GRIA4: variants seen among roughly 807,000 people sequenced by gnomAD.
GRIA4 encodes glutamate receptor 4.
In GRIA4, 34 loss-of-function variants were observed where a neutral mutation model predicts 104.0. The observed-to-expected ratio is 0.33, with a 90% CI of 0.25 to 0.44. GRIA4 has a LOEUF of 0.44. Ranked by LOEUF, GRIA4 falls within the 20% of genes least tolerant of loss-of-function variation. The pLI is 1.00. For synonymous variants in GRIA4, 386 were observed against 381.9 expected (o/e 1.01, Z -0.13); for missense variants, 750 against 1,096.5 (o/e 0.68, Z 4.46).
At position 105,611,087 on chromosome 11, in the gene GRIA4, T is replaced by A. The variant is rs945843314; in HGVS notation, c.88+2T>A. ...CCTTTCCGAGCAGCGTGCAAATAGG[T>A]AAGGTGTGCTCCGATGGGGTGTGCA... On this transcript the variant is annotated splice_donor_variant, in intron 2 of 16. Coordinates refer to ENST00000282499, the MANE Select transcript of GRIA4 (RefSeq NM_000829.4). LOFTEE classifies it high-confidence loss of function. The A allele has an allele frequency of 6.2e-7, 1 of 1,607,190 alleles. No homozygotes were observed. Among genetic ancestry groups the A allele is most frequent in the East Asian group, 2.2e-5 (1 of 44,826 alleles).
intron 5 of GRIA4, among the ~76,000 whole-genome samples, chr11:105,869,080 T>A (rs1207175593): frequency 6.6e-6 from 1 of 152,118 alleles, no homozygotes; most frequent in African/African-American, 2.4e-5. Flanking sequence ...AAGGGGTGTC[T>A]AATTGTCTCC....
At position 105,883,807 on chromosome 11, in the gene GRIA4, G is replaced by C. The variant is rs1193979317; in HGVS notation, c.673-3712G>C. 2.0e-5 allele frequency among the ~76,000 whole-genome samples: 3 copies of C among 152,118 alleles called. No homozygotes were observed. The East Asian group carries it at 5.8e-4, about 29-fold the overall frequency. ...GTATATACCCCGTAATGGGATGGCT[G>C]GGTCGAATGGTATTTCTAGTTCTAG... is the stretch of plus-strand genomic sequence containing the variant. On this transcript the variant is annotated intron_variant, in intron 5 of 16. Transcript: ENST00000282499.
At chr11:105,775,842 T>C (rs1303795310) in intron 4 of GRIA4, among the ~76,000 whole-genome samples, 1 of 152,004 alleles carries the variant, frequency 6.6e-6, no homozygotes, top group Non-Finnish European at 1.5e-5. Context: ...TCAAATATCA[T>C]CAATGGTGAC....
At chr11:105,948,709 G>A (rs372976902) in intron 14 of GRIA4, among the ~76,000 whole-genome samples, 16 of 148,830 alleles carry the variant, frequency 1.1e-4, no homozygotes, top group African/African-American at 3.7e-4. Context: ...GGGTGCAAGC[G>A]ACTCTCCTGC....
chr11:105,731,952 C>T (rs1312514640), intron 3 of GRIA4, among the ~76,000 whole-genome samples: 1 of 152,050 alleles, frequency 6.6e-6, no homozygotes, highest in African/African-American at 2.4e-5. Flanking sequence ...GTGCAGCAAA[C>T]CACCATGGCG....
chr11:105,812,985 T>A (rs1943236545), intron 4 of GRIA4, among the ~76,000 whole-genome samples: 1 of 149,344 alleles, frequency 6.7e-6, no homozygotes. Flanking sequence ...CCTGTAGTCC[T>A]CGGGAGGCTG....
At chr11:105,685,876 T>C (rs548537643) in intron 3 of GRIA4, among the ~76,000 whole-genome samples, 1 of 152,146 alleles carries the variant, frequency 6.6e-6, no homozygotes, top group South Asian at 2.1e-4. Context: ...TGAATACGTT[T>C]GAAATCTAGT....
chr11:105,936,191 T>C (rs1369222768), intron 14 of GRIA4, among the ~76,000 whole-genome samples: 4 of 152,142 alleles, frequency 2.6e-5, no homozygotes, highest in African/African-American at 9.7e-5. Context: ...CTTATCCAAC[T>C]AGGATTCTTC....
chr11:105,826,165 A>C (rs77214832), intron 4 of GRIA4, among the ~76,000 whole-genome samples: 4,589 of 152,088 alleles, frequency 0.03, 147 homozygotes, highest in African/African-American at 0.079. Context: ...AAAGCAGCTG[A>C]AATTGGGGTA....
At chr11:105,772,533 T>C (rs918324646) in intron 4 of GRIA4, among the ~76,000 whole-genome samples, 1 of 152,134 alleles carries the variant, frequency 6.6e-6, no homozygotes, top group Non-Finnish European at 1.5e-5. Flanking sequence ...ATATAACATA[T>C]AAAATATGTG....
At chr11:105,839,480 C>T (rs539182124) in intron 4 of GRIA4, among the ~76,000 whole-genome samples, 7 of 141,956 alleles carry the variant, frequency 4.9e-5, no homozygotes, top group South Asian at 2.2e-4. Context: ...ATCATGTAAT[C>T]GCTATCTCAT....
chr11:105,853,600 G>A (rs551354415), intron 4 of GRIA4, among the ~76,000 whole-genome samples: 58 of 152,284 alleles, frequency 3.8e-4, no homozygotes, highest in Non-Finnish European at 6.5e-4. Flanking sequence ...CTATCTCTGG[G>A]ATGAACAATA....
rs182377620 is a variant in GRIA4 at position 105,678,433 on chromosome 11, T to C, written c.247+65999T>C. ...TTGTTCTCACTTGTTTTATTCACTT[T>C]AATTCTGTTTTTAATTGGGGAAGCT... On this transcript the variant is annotated intron_variant, in intron 3 of 16. Transcript: ENST00000282499. Among the ~76,000 whole-genome samples, 1,024 of 152,196 alleles carry C rather than the reference T, an allele frequency of 6.7e-3. 9 individuals are homozygous for C. The highest frequency in any genetic ancestry group is 9.3e-3 in the Non-Finnish European group (632 of 67,962).
chr11:105,920,562 G>C (rs1303671821), intron 11 of GRIA4, among the ~76,000 whole-genome samples: 1 of 151,992 alleles, frequency 6.6e-6, no homozygotes, highest in Non-Finnish European at 1.5e-5. Context: ...GCCCAGACTC[G>C]CTCTTTTGCA....
At chr11:105,882,707 A>T (rs955747606) in intron 5 of GRIA4, among the ~76,000 whole-genome samples, 5 of 152,140 alleles carry the variant, frequency 3.3e-5, no homozygotes, top group African/African-American at 4.8e-5. Context: ...TCCCCTTATG[A>T]GATAATAAAC....
intron 4 of GRIA4, among the ~76,000 whole-genome samples, chr11:105,755,113 A>G (rs1486500394): frequency 1.3e-5 from 2 of 152,208 alleles, no homozygotes; most frequent in African/African-American, 2.4e-5. Flanking sequence ...GCTAATGCCA[A>G]TGCAAGAGGT....
intron 3 of GRIA4, among the ~76,000 whole-genome samples, chr11:105,699,449 G>A (rs565116859): frequency 2.0e-5 from 3 of 152,246 alleles, no homozygotes; most frequent in South Asian, 2.1e-4. Flanking sequence ...ATCTGGAGAC[G>A]GCTGCAACAT....
At position 105,610,408 on chromosome 11, in the gene GRIA4, C is replaced by A. The variant is rs917875342; in HGVS notation, c.-111C>A. 4 of 152,790 alleles carry A rather than the reference C, an allele frequency of 2.6e-5. No individual in the cohort carries two copies. Among genetic ancestry groups the A allele is most frequent in the African/African-American group, 9.6e-5 (4 of 41,452 alleles). The allele number at this position is 152,790 out of a possible 1,614,324, so 9.5% of individuals were successfully genotyped here. ...TGACACCAGACTGGCTCCGGAGCGT[C>A]CGGGAGACTGGGGCGCTCCGGTGAG... On this transcript the variant is annotated 5_prime_UTR_variant, in exon 1 of 17. Transcript: ENST00000282499.
rs982222702 is a variant in GRIA4 at position 105,647,869 on chromosome 11, G to A, written c.247+35435G>A. ...AGCTACTTGGAAGTCTGAGGTGGGA[G>A]AATTCCTTGAACCCTGGAGGTTGAG... On this transcript the variant is annotated intron_variant, in intron 3 of 16. Transcript: ENST00000282499. Among the ~76,000 whole-genome samples the A allele has an allele frequency of 5.9e-5, 9 of 152,122 alleles. No homozygotes were observed. The South Asian group carries it at 1.9e-3, about 32-fold the overall frequency.
Sources: allele counts gnomAD v4.1 joint callset (sites outside exome capture counted in the v4.1 genomes callset), GRCh38; gene constraint gnomAD v4.1.1; transcripts MANE v1.5; gene names NCBI Gene and HGNC (gene_info 2026-07-23, HGNC 2026-07-21).